Variants in PDXDC1 observed in about 807,000 individuals in gnomAD.
The protein encoded by PDXDC1 is pyridoxal-dependent decarboxylase domain-containing protein 1.
In PDXDC1, 42 loss-of-function variants were observed where a neutral mutation model predicts 100.1. That is an observed-to-expected ratio of 0.42 (90% confidence interval 0.33 to 0.54). The LOEUF (loss-of-function observed/expected upper bound fraction) is 0.54. Ranked by LOEUF, PDXDC1 falls within the 20% of genes least tolerant of loss-of-function variation. The pLI, the probability that PDXDC1 is intolerant of heterozygous loss-of-function variation, is 0.10. For missense variants in PDXDC1, 636 were observed against 979.2 expected (o/e 0.65, Z 4.68); for synonymous variants, 260 against 371.7 (o/e 0.70, Z 3.46).
chr16:15,099,419 CAAA>C (rs768689960), intron 16 of PDXDC1, among the ~76,000 whole-genome samples: 3 of 40,952 alleles, frequency 7.3e-5, no homozygotes, highest in South Asian at 1.1e-3. Flanking sequence ...GACTTGGTCT[CAAA>C]AAAAAAAAAA....
intron 16 of PDXDC1, chr16:15,061,837 C>T (rs201322868): frequency 6.4e-5 from 104 of 1,613,920 alleles, no homozygotes; most frequent in Non-Finnish European, 7.5e-5. Context: ...TTGGTGTGAT[C>T]CCAATCACGG....
At chr16:15,069,422 CTT>C (rs1461483641) in intron 16 of PDXDC1, among the ~76,000 whole-genome samples, 1 of 152,196 alleles carries the variant, frequency 6.6e-6, no homozygotes, top group Non-Finnish European at 1.5e-5. Context: ...TTTACAATGA[CTT>C]ATAAACACTG....
At chr16:15,029,050 G>A (rs1455330544) in intron 15 of PDXDC1, 84 bp downstream of exon 15, 4 of 1,470,146 alleles carry the variant, frequency 2.7e-6, no homozygotes, top group South Asian at 1.2e-5. Context: ...GCGTGCTCGT[G>A]TATGGGAACT....
intron 1 of PDXDC1, among the ~76,000 whole-genome samples, chr16:14,986,316 A>C (rs1969362707): frequency 1.3e-5 from 2 of 152,286 alleles, no homozygotes; most frequent in Admixed American, 1.3e-4. Flanking sequence ...AAAATACAAA[A>C]AAATTAGCTG....
intron 16 of PDXDC1, among the ~76,000 whole-genome samples, chr16:15,082,028 T>C (rs2045727000): frequency 6.6e-6 from 1 of 152,228 alleles, no homozygotes; most frequent in African/African-American, 2.4e-5. Flanking sequence ...GTAAACTCCT[T>C]AGAATGACAT....
Position 15,029,880 on chromosome 16 carries a change from G to A in PDXDC1, c.1294-71G>A, listed in dbSNP as rs1184743754. 2.9e-4 allele frequency: 402 copies of A among 1,398,714 alleles called. 8 individuals carry two copies. In the Admixed American group the frequency reaches 7.9e-3, roughly 27 times the overall value. 86.6% of individuals were successfully genotyped at this position (1,398,714 alleles called of 1,614,324 possible). A position where few individuals can be genotyped will look rare whatever the true frequency, so the allele number is the denominator to read the frequency against. On this transcript the variant is annotated intron_variant, in intron 15 of 22. Coordinates refer to ENST00000396410, the MANE Select transcript of PDXDC1 (RefSeq NM_015027.4). ...GAGGCTCTTTGGTCTGGGGCCGAGG[G>A]GATGAGGGTGGGTCCTGAAGACGTC...
chr16:15,031,833 A>G lies in PDXDC1; in HGVS notation c.1498A>G (p.Lys500Glu), dbSNP rs753325068. The G allele has an allele frequency of 1.9e-6, 3 of 1,613,910 alleles. No homozygotes were observed. The African/African-American group carries it at 4.0e-5, about 22-fold the overall frequency. Residue 500 changes from lysine to glutamate, a missense_variant, in exon 17 of 23, where the codon AAG becomes GAG. By Grantham distance (56) the Lys-to-Glu change is moderately conservative. This residue lies in a region of PDXDC1 where 452 missense variants were observed against 402.9 expected (regional missense o/e 1.12). Transcript: ENST00000396410. ...TACGCTCCAGTTGCGTGAAGAGTTC[A>G]AGCAGGAAGTGGAAGCAACAGCAGG... is the stretch of plus-strand genomic sequence containing the variant. ...CCTLQLREEF[K>E]QEVEATAGLL...
chr16:15,078,022 A>G (rs1383935265), intron 16 of PDXDC1, among the ~76,000 whole-genome samples: 1 of 152,206 alleles, frequency 6.6e-6, no homozygotes, highest in Admixed American at 6.5e-5. Context: ...GCATGATGCA[A>G]TATTTATTTT....
At chr16:15,055,346 C>G (rs1302229525) in intron 16 of PDXDC1, among the ~76,000 whole-genome samples, 2 of 152,196 alleles carry the variant, frequency 1.3e-5, no homozygotes, top group Non-Finnish European at 2.9e-5. Flanking sequence ...GGCTCTCTCT[C>G]CCGGCTAAAA....
chr16:14,991,532 T>G (rs1241459522), intron 1 of PDXDC1, among the ~76,000 whole-genome samples: 1 of 151,596 alleles, frequency 6.6e-6, no homozygotes, highest in Non-Finnish European at 1.5e-5. Flanking sequence ...GTCTATTTTT[T>G]TTTTTTTTTT....
chr16:15,055,409 G>A (rs954182236), intron 16 of PDXDC1, among the ~76,000 whole-genome samples: 12 of 152,322 alleles, frequency 7.9e-5, no homozygotes, highest in Admixed American at 5.2e-4. Context: ...AGGAAGGACT[G>A]GGGGTCCCCG....
chr16:15,015,001 G>A (rs1171008809), intron 8 of PDXDC1, among the ~76,000 whole-genome samples: 1 of 152,280 alleles, frequency 6.6e-6, no homozygotes, highest in African/African-American at 2.4e-5. Context: ...GCAGTGGCAC[G>A]ATCTCGGCTC....
intron 16 of PDXDC1, among the ~76,000 whole-genome samples, chr16:15,082,412 C>T (rs1416937080): frequency 6.6e-6 from 1 of 151,964 alleles, no homozygotes; most frequent in Non-Finnish European, 1.5e-5. Flanking sequence ...GTGGTTCACG[C>T]CTCTAATCCC....
At chr16:14,986,325 T>A (rs1420777113) in intron 1 of PDXDC1, among the ~76,000 whole-genome samples, 1 of 152,274 alleles carries the variant, frequency 6.6e-6, no homozygotes, top group Non-Finnish European at 1.5e-5. Context: ...AAAAATTAGC[T>A]GGGCGTGATG....
At chr16:15,131,189 C>A (rs764677134) in intron 16 of PDXDC1, 1 of 1,588,860 alleles carries the variant, frequency 6.3e-7, no homozygotes, top group Non-Finnish European at 8.6e-7. Context: ...TGGACCACAA[C>A]GGAGTTGGCA....
downstream of PDXDC1, chr16:15,041,019 C>T: frequency 1.6e-6 from 2 of 1,271,944 alleles, no homozygotes; most frequent in Admixed American, 1.7e-5. Context: ...TAGACTTTAA[C>T]TGCACATGTG....
intron 16 of PDXDC1, among the ~76,000 whole-genome samples, chr16:15,080,931 C>A (rs1454910980): frequency 4.0e-5 from 6 of 151,578 alleles, no homozygotes; most frequent in African/African-American, 1.5e-4. Flanking sequence ...GAGTCATACA[C>A]AGTTTGTGGC....
chr16:15,085,160 T>C (rs1396413773), intron 16 of PDXDC1, among the ~76,000 whole-genome samples: 2 of 152,192 alleles, frequency 1.3e-5, no homozygotes, highest in African/African-American at 4.8e-5. Flanking sequence ...ATTTCAAGAT[T>C]TTTCTCCACC....
chr16:15,117,740 C>CA (rs1182785765), intron 16 of PDXDC1, among the ~76,000 whole-genome samples: 1 of 106,228 alleles, frequency 9.4e-6, no homozygotes, highest in Non-Finnish European at 1.9e-5. Flanking sequence ...CAATTTATAC[C>CA]AAAAATTCTC....
Sources: gnomAD v4.1 joint callset for allele counts (sites outside exome capture counted in the v4.1 genomes callset) on GRCh38, gnomAD v4.1.1 for gene constraint, gnomAD v4.1.1 regional missense constraint, MANE v1.5 for transcripts, NCBI Gene and HGNC (gene_info 2026-07-23, HGNC 2026-07-21) for gene names.